The following ADGRL2 variants were observed in gnomAD, a reference collection of about 807,000 sequenced individuals.
ADGRL2 encodes adhesion G protein-coupled receptor L2, also known as calcium-independent alpha-latrotoxin receptor 2.
Under a neutral mutation model 157.4 loss-of-function variants are expected in ADGRL2, and 44 were observed. The ratio of observed to expected loss-of-function variants is 0.28; its 90% CI spans 0.22 to 0.36. ADGRL2 has a LOEUF of 0.36. ADGRL2 is among the 10% of genes least tolerant of loss of function. The pLI, the probability that ADGRL2 is intolerant of heterozygous loss-of-function variation, is 1.00. For synonymous variants in ADGRL2, 585 were observed against 624.7 expected, an observed-to-expected ratio of 0.94 and a Z score of 0.95; for missense variants, 1,510 against 1,768.9, an observed-to-expected ratio of 0.85 and a Z score of 2.63.
At chr1:81,481,736 AGAGG>A (rs36056567) in intron 2 of ADGRL2, among the ~76,000 whole-genome samples, 110,354 of 151,672 alleles carry the variant, frequency 0.73, 41,221 homozygotes, top group Non-Finnish European at 0.82. Flanking sequence ...TGGTTTTCAA[AGAGG>A]GTCAGAAAAC....
At chr1:81,745,340 G>C (rs2085210621) in intron 1 of ADGRL2, among the ~76,000 whole-genome samples, 1 of 152,128 alleles carries the variant, frequency 6.6e-6, no homozygotes, top group Admixed American at 6.6e-5. Flanking sequence ...GCTTTCTTGA[G>C]CATCAACTTC....
intron 2 of ADGRL2, among the ~76,000 whole-genome samples, chr1:81,548,477 AT>A (rs1280566792): frequency 6.6e-5 from 10 of 152,036 alleles, no homozygotes; most frequent in African/African-American, 2.4e-4. Flanking sequence ...AGTGAGTTAA[AT>A]GTCAATTAAA....
At chr1:81,510,680 C>A (rs1357456592) in intron 2 of ADGRL2, among the ~76,000 whole-genome samples, 1 of 151,968 alleles carries the variant, frequency 6.6e-6, no homozygotes, top group Non-Finnish European at 1.5e-5. Context: ...GCTTTTAATC[C>A]CCTAGGGGGC....
At chr1:81,894,127 T>C (rs772983270) in intron 2 of ADGRL2, among the ~76,000 whole-genome samples, 4 of 152,202 alleles carry the variant, frequency 2.6e-5, no homozygotes, top group Non-Finnish European at 5.9e-5. Context: ...CTGGAAGTGG[T>C]AGAGTTGTCT....
Position 81,966,725 on chromosome 1 carries a change from C to T in ADGRL2, c.2349+116C>T, listed in dbSNP as rs138719722. 629 of 804,538 alleles carry T rather than the reference C, an allele frequency of 7.8e-4. 2 individuals carry two copies. The African/African-American group carries it at 9.9e-3, about 13-fold the overall frequency. The allele number at this position is 804,538 out of a possible 1,614,324, so 49.8% of individuals were successfully genotyped here. A position where few individuals can be genotyped will look rare whatever the true frequency, so the allele number is the denominator to read the frequency against. On this transcript the variant is annotated intron_variant, in intron 13 of 23. Transcript: ENST00000686636. ...CTGGGGAGATGGGAGGGAGGAAAGA[C>T]AAGACCTTTCCATTTGAATTTTAAA...
At chr1:81,646,094 C>A (rs2082310911) in intron 3 of ADGRL2, among the ~76,000 whole-genome samples, 1 of 152,088 alleles carries the variant, frequency 6.6e-6, no homozygotes, top group African/African-American at 2.4e-5. Flanking sequence ...TCGCAGTGTC[C>A]TTCCCGACTC....
intron 1 of ADGRL2, among the ~76,000 whole-genome samples, chr1:81,383,900 G>A (rs1158153557): frequency 1.4e-5 from 2 of 143,506 alleles, no homozygotes; most frequent in African/African-American, 5.2e-5. Context: ...GTTGCAGTGA[G>A]CCGAGATCAC....
At chr1:81,946,524 T>C (rs921136430) in intron 6 of ADGRL2, among the ~76,000 whole-genome samples, 1 of 152,058 alleles carries the variant, frequency 6.6e-6, no homozygotes, top group African/African-American at 2.4e-5. Context: ...GATTGCTTTA[T>C]ATTTACTTAA....
At chr1:81,499,186 T>G (rs1242573305) in intron 2 of ADGRL2, among the ~76,000 whole-genome samples, 1 of 152,270 alleles carries the variant, frequency 6.6e-6, no homozygotes, top group Non-Finnish European at 1.5e-5. Context: ...ACATGACATG[T>G]ATTCGAGAAG....
chr1:81,967,429 T>A (rs1657438784), intron 13 of ADGRL2, among the ~76,000 whole-genome samples: 1 of 152,164 alleles, frequency 6.6e-6, no homozygotes, highest in South Asian at 2.1e-4. Flanking sequence ...GCCTGGCTAA[T>A]TTTTTGTATT....
In ADGRL2 at chr1:81,907,227, A is replaced by G. The variant is rs1382218976; in HGVS notation, c.284A>G (p.Gln95Arg). 6.2e-7 allele frequency: 1 copy of G among 1,611,996 alleles called. No individual in the cohort carries two copies. Among genetic ancestry groups the G allele is most frequent in the African/African-American group, 1.3e-5 (1 of 75,004 alleles). The change falls in exon 3 of 24, where the codon CAA becomes CGA. Residue 95 changes from glutamine to arginine, a missense_variant. By Grantham distance (43) the Gln-to-Arg change is conservative. This residue lies in a region of ADGRL2 where 361 missense variants were observed against 498.4 expected (regional missense o/e 0.72). Transcript: ENST00000686636. ...CCCGATGCCTTCAAAATTATGACTC[A>G]AAGGTAAATATTCATGTGTTAATGT... ...YLPDAFKIMT[Q>R]RCNNRTQCIV...
intron 2 of ADGRL2, among the ~76,000 whole-genome samples, chr1:81,902,239 G>A (rs1250810754): frequency 4.6e-5 from 7 of 152,178 alleles, no homozygotes; most frequent in Admixed American, 2.0e-4. Context: ...TTATTATGCA[G>A]ATGAAGCCTC....
intron 1 of ADGRL2, among the ~76,000 whole-genome samples, chr1:81,325,344 T>A (rs999399682): frequency 6.6e-6 from 1 of 152,214 alleles, no homozygotes; most frequent in Non-Finnish European, 1.5e-5. Context: ...AAAAGATGTC[T>A]GCACTGTGTG....
chr1:81,582,714 G>A lies in ADGRL2; in HGVS notation c.-143+1734G>A, dbSNP rs917294730. 2.6e-5 allele frequency among the ~76,000 whole-genome samples: 4 copies of A among 152,042 alleles called. No homozygotes were observed. In the South Asian group the frequency reaches 8.3e-4, roughly 32 times the overall value. ...TCAGCAAGTACTATTAAAGTCATTG[G>A]TCCTATAAAAACAATCCTTCGTAAA... On this transcript the variant is annotated intron_variant, in intron 3 of 24. Transcript: ENST00000370721.
intron 2 of ADGRL2, among the ~76,000 whole-genome samples, chr1:81,855,566 T>C (rs2150620362): frequency 6.6e-6 from 1 of 152,322 alleles, no homozygotes; most frequent in East Asian, 1.9e-4. Flanking sequence ...TTTTTTTACT[T>C]TTTAATATTT....
At chr1:81,803,440 C>G (rs1448108529) in intron 1 of ADGRL2, among the ~76,000 whole-genome samples, 1 of 152,008 alleles carries the variant, frequency 6.6e-6, no homozygotes, top group Non-Finnish European at 1.5e-5. Flanking sequence ...TTTTTCCCCC[C>G]CTCCAATCCT....
intron 2 of ADGRL2, among the ~76,000 whole-genome samples, chr1:81,485,399 A>T (rs2078478930): frequency 6.6e-6 from 1 of 152,130 alleles, no homozygotes; most frequent in African/African-American, 2.4e-5. Flanking sequence ...TTTTTTGAAC[A>T]TGTTTATGAT....
In ADGRL2 at chr1:81,806,238, A is replaced by C. The variant is rs559192221; in HGVS notation, c.-101+5170A>C. Among the ~76,000 whole-genome samples the C allele has an allele frequency of 2.0e-5, 3 of 152,186 alleles. No individual in the cohort carries two copies. In the South Asian group the frequency reaches 6.2e-4, roughly 32 times the overall value. On this transcript the variant is annotated intron_variant, in intron 1 of 23. Transcript: ENST00000686636. ...TCTGCTTTATTAATGGACTAACATCAAAGCAGGCAACAAAACTTCCAAATG... is the reference window on the plus strand; with the variant it reads ...TCTGCTTTATTAATGGACTAACATCCAAGCAGGCAACAAAACTTCCAAATG...
At chr1:81,720,798 C>T (rs2084283222) in intron 1 of ADGRL2, among the ~76,000 whole-genome samples, 2 of 151,354 alleles carry the variant, frequency 1.3e-5, no homozygotes, top group Non-Finnish European at 2.9e-5. Flanking sequence ...TATATAACAC[C>T]TATATATCAA....
Sources: gnomAD v4.1 joint callset for allele counts (sites outside exome capture counted in the v4.1 genomes callset) on GRCh38, gnomAD v4.1.1 for gene constraint, gnomAD v4.1.1 regional missense constraint, MANE v1.5 for transcripts, NCBI Gene and HGNC (gene_info 2026-07-23, HGNC 2026-07-21) for gene names.